ATM: variants seen among roughly 807,000 people sequenced by gnomAD.
ATM encodes the protein serine-protein kinase ATM.
In ATM, 308 loss-of-function variants were observed where a neutral mutation model predicts 387.0. The observed-to-expected ratio is 0.80, with a 90% confidence interval of 0.73 to 0.87. The LOEUF (loss-of-function observed/expected upper bound fraction) is 0.87, where lower values mean the gene tolerates loss of function less well. Ranked by LOEUF, ATM falls within the 40% of genes least tolerant of loss-of-function variation. The pLI is 0.00. For missense variants in ATM, 3,312 were observed against 3,560.9 expected (o/e 0.93, Z 1.78); for synonymous variants, 1,156 against 1,187.3 (o/e 0.97, Z 0.54).
chr11:108,307,929 A>G lies in ATM; in HGVS notation c.5707A>G (p.Lys1903Glu), dbSNP rs765027485. 6 of 1,613,878 alleles carry G rather than the reference A, an allele frequency of 3.7e-6. No individual in the cohort carries two copies. Among genetic ancestry groups the G allele is most frequent in the Admixed American group, 3.3e-5 (2 of 60,016 alleles). Residue 1903 changes from lysine (K) to glutamate (E), a missense_variant, in exon 38 of 63, where the codon AAA (lysine) becomes GAA (glutamate). This residue lies in a region of ATM where 1,405 missense variants were observed against 1,604.4 expected (regional missense o/e 0.88). Transcript: ENST00000675843. ...GCACTTTTTCCGATGCTGTTTGGAT[A>G]AAAAATCACAAAGAACAATGCTTGC... ...SEHFFRCCLD[K>E]KSQRTMLAVV...
rs756969590 is a variant in ATM at position 108,229,266 on chromosome 11, A to G, written c.274A>G (p.Lys92Glu). The change falls in exon 4 of 63, where the codon AAA (lysine) becomes GAA (glutamate). Residue 92 changes from lysine (K) to glutamate (E), a missense_variant. By Grantham distance (56) the Lys-to-Glu change is moderately conservative (BLOSUM62 1). This residue lies in a region of ATM where 1,791 missense variants were observed against 1,804.5 expected (regional missense o/e 0.99). Transcript: ENST00000675843. ...VSASTQASRQ[K>E]KMQEISSLVK... is the part of the protein sequence containing the mutation. Reference sequence around the variant, plus strand: ...AGCCTCAACACAAGCCTCCAGGCAGAAAAAGATGCAGGAAATCAGTAGTTT... The same window carrying G: ...AGCCTCAACACAAGCCTCCAGGCAGGAAAAGATGCAGGAAATCAGTAGTTT... 1 of 1,613,896 alleles carries G rather than the reference A, an allele frequency of 6.2e-7. No individual in the cohort carries two copies. Among genetic ancestry groups the G allele is most frequent in the South Asian group, 1.1e-5 (1 of 91,068 alleles).
At chr11:108,257,397 G>C (rs984418409) in intron 14 of ATM, 84 bp from the exon 15 acceptor site, 2 of 1,503,466 alleles carry the variant, frequency 1.3e-6, no homozygotes, top group African/African-American at 2.8e-5. Flanking sequence ...TTTATAGTAT[G>C]TCCAAGATCA....
At chr11:108,254,328 G>T (rs2080340876) in intron 13 of ATM, among the ~76,000 whole-genome samples, 1 of 151,944 alleles carries the variant, frequency 6.6e-6, no homozygotes, top group African/African-American at 2.4e-5. Context: ...ATTATATGAT[G>T]AAAAAAACCT....
intron 57 of ATM, among the ~76,000 whole-genome samples, chr11:108,345,307 T>C (rs561332822): frequency 6.6e-6 from 1 of 152,328 alleles, no homozygotes; most frequent in East Asian, 1.9e-4. Flanking sequence ...TAGTATTTTA[T>C]GGCAAGAAGA....
intron 57 of ATM, 109 bp from the exon 58 acceptor site, chr11:108,345,634 T>C (rs551577160): frequency 1.3e-5 from 11 of 871,958 alleles, no homozygotes; most frequent in South Asian, 2.0e-5. Context: ...TAATGTATCC[T>C]GTTCATCTTT....
Position 108,316,066 on chromosome 11 carries a change from C to T in ATM, c.6151C>T (p.Leu2051Phe), listed in dbSNP as rs1591779081. The change falls in exon 42 of 63, where the codon CTC becomes TTC. Residue 2051 changes from leucine to phenylalanine, a missense_variant. By Grantham distance (22) the Leu-to-Phe change is conservative. Transcript: ENST00000675843. The part of the protein sequence containing the change: ...MWGKALVTYD[L>F]ETAIPSSTRQ... ...GGGCAAAGCCCTAGTAACATATGAC[C>T]TCGAAACAGCAATCCCCTCATCAAC... 2 of 1,614,096 alleles carry T rather than the reference C, an allele frequency of 1.2e-6. No homozygotes were observed. The highest frequency in any genetic ancestry group is 1.7e-6 in the Non-Finnish European group (2 of 1,180,010).
At chr11:108,364,249 C>A (rs2091100025) in intron 61 of ATM, among the ~76,000 whole-genome samples, 1 of 152,132 alleles carries the variant, frequency 6.6e-6, no homozygotes, top group Non-Finnish European at 1.5e-5. Flanking sequence ...TACTGGAATG[C>A]CCTGTAGAAT....
intron 16 of ATM, among the ~76,000 whole-genome samples, chr11:108,266,234 C>A (rs1024796236): frequency 3.3e-5 from 5 of 150,782 alleles, no homozygotes; most frequent in Admixed American, 3.3e-4. Flanking sequence ...GGAACCAACC[C>A]AAATGTCCAA....
chr11:108,258,030 G>A (rs1327967388), intron 15 of ATM, among the ~76,000 whole-genome samples: 1 of 151,966 alleles, frequency 6.6e-6, no homozygotes, highest in Non-Finnish European at 1.5e-5. Flanking sequence ...CTTAGTAGCT[G>A]GGACTACAAG....
At chr11:108,342,093 GTTTT>G (rs35119654) in intron 56 of ATM, among the ~76,000 whole-genome samples, 1 of 151,048 alleles carries the variant, frequency 6.6e-6, no homozygotes, top group Non-Finnish European at 1.5e-5. Flanking sequence ...TTTTTTTGCA[GTTTT>G]TTTTTCTTTT....
chr11:108,330,169 T>C (rs1201895621), intron 49 of ATM, 45 bp from the exon 50 acceptor site: 1 of 1,585,608 alleles, frequency 6.3e-7, no homozygotes, highest in Non-Finnish European at 8.6e-7. Flanking sequence ...GTAGTTCTGT[T>C]AAAGTTCATG....
chr11:108,356,049 C>A (rs1591320934), intron 61 of ATM: 1 of 152,068 alleles, frequency 6.6e-6, no homozygotes, highest in Admixed American at 6.5e-5. Flanking sequence ...ATTCTTTTTT[C>A]TTTTACCGAT....
chr11:108,227,978 A>G (rs1591447910), intron 3 of ATM, 90 bp downstream of exon 3: 18 of 1,133,518 alleles, frequency 1.6e-5, no homozygotes, highest in Non-Finnish European at 2.3e-5. Context: ...AAGTCTTAAC[A>G]TTTATCTTTG....
intron 22 of ATM, among the ~76,000 whole-genome samples, chr11:108,274,136 A>T (rs1398498097): frequency 6.6e-6 from 1 of 152,098 alleles, no homozygotes; most frequent in Non-Finnish European, 1.5e-5. Flanking sequence ...ACTTTCTTCT[A>T]GATTTTCTAG....
At chr11:108,336,010 C>T (rs1462412464) in intron 56 of ATM, 49 bp downstream of exon 56, 1 of 1,450,748 alleles carries the variant, frequency 6.9e-7, no homozygotes, top group African/African-American at 1.4e-5. Context: ...TAAAAGATGC[C>T]ATTTGGTTGG....
intron 39 of ATM, 69 bp from the exon 40 acceptor site, chr11:108,312,342 A>G (rs1053167866): frequency 1.7e-6 from 2 of 1,166,572 alleles, no homozygotes; most frequent in African/African-American, 1.5e-5. Flanking sequence ...GTCAAAGTCT[A>G]TAGTATATGT....
At chr11:108,327,879 T>C (rs753331516) in intron 48 of ATM, 121 bp downstream of exon 48, 2 of 846,740 alleles carry the variant, frequency 2.4e-6, no homozygotes, top group Non-Finnish European at 3.8e-6. Context: ...TATATATTAT[T>C]ACTGTTGTAG....
intron 43 of ATM, among the ~76,000 whole-genome samples, chr11:108,318,680 C>A (rs996999431): frequency 4.0e-5 from 6 of 151,880 alleles, no homozygotes; most frequent in Non-Finnish European, 8.8e-5. Flanking sequence ...CAGAGTGAGA[C>A]TCTGTCTCAA....
chr11:108,259,037 A>G lies in ATM; in HGVS notation c.2428A>G (p.Lys810Glu), dbSNP rs201909756. 9.3e-6 allele frequency: 15 copies of G among 1,613,842 alleles called. No homozygotes were observed. Among genetic ancestry groups the G allele is most frequent in the African/African-American group, 5.3e-5 (4 of 75,062 alleles). The change falls in exon 16 of 63, where the codon AAG (lysine) becomes GAG (glutamate). Residue 810 changes from lysine to glutamate, a missense_variant. By Grantham distance (56) the Lys-to-Glu change is moderately conservative. Around this residue, in one of 4 missense-constraint regions of ATM, gnomAD observed 1,791 missense variants for 1,804.5 expected, o/e 0.99. Transcript: ENST00000675843. Reference protein sequence around the residue: ...SGFFLRLLTSKLMNDIADICK... With the variant: ...SGFFLRLLTSELMNDIADICK... ...CTTTTTCCTGCGATTGTTAACATCA[A>G]AGCTAATGAATGACATTGCAGATAT...
Sources: gnomAD v4.1 joint callset for allele counts (sites outside exome capture counted in the v4.1 genomes callset) on GRCh38, gnomAD v4.1.1 for gene constraint, gnomAD v4.1.1 regional missense constraint, MANE v1.5 for transcripts, NCBI Gene and HGNC (gene_info 2026-07-23, HGNC 2026-07-21) for gene names.